Variants in NBEA observed in about 807,000 individuals in gnomAD.
NBEA encodes the protein neurobeachin.
NBEA carries 44 observed loss-of-function variants against 343.4 expected under a neutral mutation model. The observed-to-expected ratio is 0.13, with a 90% CI of 0.10 to 0.16. The LOEUF (loss-of-function observed/expected upper bound fraction) is 0.16. Ranked by LOEUF, NBEA falls within the 10% of genes least tolerant of loss-of-function variation. NBEA has a pLI of 1.00. For synonymous variants in NBEA, 1,175 were observed against 1,238.7 expected (o/e 0.95, Z 1.08); for missense variants, 2,555 against 3,631.3 (o/e 0.70, Z 7.62).
intron 48 of NBEA, among the ~76,000 whole-genome samples, chr13:35,612,912 C>G (rs1314319218): frequency 6.6e-5 from 10 of 151,850 alleles, no homozygotes; most frequent in Admixed American, 6.6e-4. Flanking sequence ...TTATGGTTAT[C>G]TGTTAAGTTT....
At chr13:35,422,864 A>G (rs1197313160) in intron 38 of NBEA, among the ~76,000 whole-genome samples, 1 of 152,014 alleles carries the variant, frequency 6.6e-6, no homozygotes, top group East Asian at 1.9e-4. Context: ...ATGGTATCTC[A>G]TTGTGGTTTT....
chr13:35,595,213 A>T (rs1223255881), intron 47 of NBEA, among the ~76,000 whole-genome samples: 1 of 152,036 alleles, frequency 6.6e-6, no homozygotes, highest in Non-Finnish European at 1.5e-5. Context: ...TTTACATTTT[A>T]TTACTAATTG....
chr13:34,942,875 C>G lies in NBEA; in HGVS notation c.55C>G (p.Leu19Val). ...GGGGCTCGAGCCTCAGCCCGTGGGG[C>G]TCATTGCCGTCGGGGCCGCTGGCGG... is the stretch of plus-strand genomic sequence containing the variant. Reference protein sequence around the residue: ...GPGLEPQPVGLIAVGAAGGGG... With the variant: ...GPGLEPQPVGVIAVGAAGGGG... Residue 19 changes from leucine to valine, a missense_variant, in exon 1 of 59, where the codon CTC becomes GTC. By Grantham distance (32) the Leu-to-Val change is conservative. Coordinates refer to ENST00000379939, the MANE Select transcript of NBEA (RefSeq NM_001385012.1). The G allele has an allele frequency of 7.0e-7, 1 of 1,431,518 alleles. No homozygotes were observed. The highest frequency in any genetic ancestry group is 9.2e-7 in the Non-Finnish European group (1 of 1,082,246). The allele number at this position is 1,431,518 out of a possible 1,614,324, so 88.7% of individuals were successfully genotyped here. A position where few individuals can be genotyped will look rare whatever the true frequency, so the allele number is the denominator to read the frequency against.
chr13:35,269,240 A>G (rs1200329632), intron 34 of NBEA, among the ~76,000 whole-genome samples: 2 of 152,166 alleles, frequency 1.3e-5, no homozygotes, highest in Non-Finnish European at 2.9e-5. Flanking sequence ...TCTCATTTTT[A>G]GTCGATGCAG....
chr13:35,472,314 C>A, intron 40 of NBEA, 86 bp from the exon 41 acceptor site: 2 of 1,461,238 alleles, frequency 1.4e-6, no homozygotes, highest in Non-Finnish European at 1.8e-6. Context: ...TGCATCCTTA[C>A]CAATAAAAAC....
At chr13:35,386,777 T>G (rs1009868295) in intron 38 of NBEA, among the ~76,000 whole-genome samples, 1 of 152,106 alleles carries the variant, frequency 6.6e-6, no homozygotes, top group Non-Finnish European at 1.5e-5. Flanking sequence ...ATATATTGAG[T>G]TTTTTATGGT....
intron 34 of NBEA, among the ~76,000 whole-genome samples, chr13:35,289,498 T>G (rs1212280340): frequency 6.6e-6 from 1 of 151,868 alleles, no homozygotes; most frequent in African/African-American, 2.4e-5. Flanking sequence ...AAACTACCAA[T>G]TAAGATCTGC....
At chr13:35,318,740 T>G (rs939032153) in intron 36 of NBEA, among the ~76,000 whole-genome samples, 1 of 152,166 alleles carries the variant, frequency 6.6e-6, no homozygotes, top group East Asian at 1.9e-4. Flanking sequence ...CTGGGCTTTT[T>G]TTGTTGTTGT....
At chr13:35,055,046 C>G (rs1343596876) in intron 6 of NBEA, among the ~76,000 whole-genome samples, 1 of 152,028 alleles carries the variant, frequency 6.6e-6, no homozygotes, top group Non-Finnish European at 1.5e-5. Flanking sequence ...ATTATTGTAA[C>G]TTTTTATTTC....
intron 31 of NBEA, among the ~76,000 whole-genome samples, chr13:35,202,320 A>G (rs2073077908): frequency 2.0e-5 from 3 of 152,158 alleles, no homozygotes; most frequent in African/African-American, 4.8e-5. Flanking sequence ...TATCTAAGGA[A>G]TATGCCCCAG....
At chr13:35,179,103 C>G (rs528185761) in intron 28 of NBEA, among the ~76,000 whole-genome samples, 1 of 151,302 alleles carries the variant, frequency 6.6e-6, no homozygotes, top group Admixed American at 6.6e-5. Context: ...GTTGGATAAC[C>G]CAGCAGTGGT....
intron 41 of NBEA, among the ~76,000 whole-genome samples, chr13:35,547,296 A>G (rs951620261): frequency 2.0e-5 from 3 of 152,208 alleles, no homozygotes; most frequent in East Asian, 1.9e-4. Flanking sequence ...TTTAGAAGCT[A>G]CTAGCAAAAT....
At position 35,081,588 on chromosome 13, in the gene NBEA, T is replaced by C. The variant is rs12853789; in HGVS notation, c.1571+10736T>C. Among the ~76,000 whole-genome samples the C allele has an allele frequency of 3.2e-3, 492 of 151,950 alleles. 6 individuals are homozygous for C. The highest frequency in any genetic ancestry group is 4.7e-3 in the Non-Finnish European group (320 of 67,952). ...CAGGCAAATATGGCAGGAATGACAA[T>C]ATGTGTGAGGCATTTGAGAAAACAG... On this transcript the variant is annotated intron_variant, in intron 10 of 58. Transcript: ENST00000379939.
At position 35,450,617 on chromosome 13, in the gene NBEA, G is replaced by A. The variant is rs931583361; in HGVS notation, c.6305-1475G>A. Among the ~76,000 whole-genome samples, 10 of 152,274 alleles carry A rather than the reference G, an allele frequency of 6.6e-5. No homozygotes were observed. The East Asian group carries it at 1.9e-3, about 29-fold the overall frequency. On this transcript the variant is annotated intron_variant, in intron 39 of 58. Coordinates refer to ENST00000379939, the MANE Select transcript of NBEA (RefSeq NM_001385012.1). The stretch of plus-strand genomic sequence containing the variant: ...TTCGACCAAAGGCATGACATCATTT[G>A]GAGAGCCATTGTTTATGGTCCGACA...
At chr13:35,124,582 A>G (rs1302181960) in intron 17 of NBEA, among the ~76,000 whole-genome samples, 1 of 150,458 alleles carries the variant, frequency 6.6e-6, no homozygotes, top group East Asian at 1.9e-4. Context: ...ATATATATAT[A>G]CATACACATA....
At chr13:35,202,706 A>G (rs2073105479) in intron 31 of NBEA, among the ~76,000 whole-genome samples, 1 of 152,094 alleles carries the variant, frequency 6.6e-6, no homozygotes, top group Non-Finnish European at 1.5e-5. Flanking sequence ...GATGACTCTT[A>G]TATTTATATC....
chr13:35,431,161 A>T (rs968405830), intron 38 of NBEA, among the ~76,000 whole-genome samples: 2 of 152,258 alleles, frequency 1.3e-5, no homozygotes, highest in African/African-American at 4.8e-5. Context: ...TAGTAAAAAC[A>T]TACTGTGGGC....
intron 1 of NBEA, among the ~76,000 whole-genome samples, chr13:34,974,641 A>T (rs1323347927): frequency 6.6e-6 from 1 of 152,230 alleles, no homozygotes; most frequent in Non-Finnish European, 1.5e-5. Context: ...ACATACAAAA[A>T]TGATGATGAA....
At chr13:35,286,745 C>T (rs1241699313) in intron 34 of NBEA, among the ~76,000 whole-genome samples, 3 of 152,010 alleles carry the variant, frequency 2.0e-5, no homozygotes, top group Non-Finnish European at 4.4e-5. Flanking sequence ...GATTTCTTAT[C>T]TGGTTTATCA....
Sources: gnomAD v4.1 joint callset for allele counts (sites outside exome capture counted in the v4.1 genomes callset) on GRCh38, gnomAD v4.1.1 for gene constraint, MANE v1.5 for transcripts, NCBI Gene and HGNC (gene_info 2026-07-23, HGNC 2026-07-21) for gene names.